The following SNX29 variants were observed in gnomAD, a reference collection of about 807,000 sequenced individuals.
SNX29 encodes sorting nexin 29, also known as sorting nexin-29.
SNX29 carries 78 observed loss-of-function variants against 102.1 expected under a neutral mutation model. The ratio of observed to expected loss-of-function variants is 0.76; its 90% CI spans 0.64 to 0.92. The LOEUF (loss-of-function observed/expected upper bound fraction) is 0.92, where lower values mean the gene tolerates loss of function less well. Ranked by LOEUF, SNX29 falls within the 40% of genes least tolerant of loss-of-function variation. SNX29 has a pLI of 0.00. For missense variants in SNX29, 1,280 were observed against 1,061.7 expected (o/e 1.21, Z -2.86); for synonymous variants, 580 against 414.5 (o/e 1.40, Z -4.85).
chr16:12,000,151 G>A (rs565773506), intron 2 of SNX29, among the ~76,000 whole-genome samples: 5 of 152,266 alleles, frequency 3.3e-5, no homozygotes, highest in South Asian at 2.1e-4. Context: ...GCTTGACTCC[G>A]GCTGGGCTTG....
At chr16:12,468,065 C>T (rs951314449) in intron 18 of SNX29, among the ~76,000 whole-genome samples, 1 of 151,980 alleles carries the variant, frequency 6.6e-6, no homozygotes, top group African/African-American at 2.4e-5. Context: ...CTGCCCCAGC[C>T]TCCTTTCACT....
chr16:12,481,513 GACACACACACACAC>G (rs59650769), intron 19 of SNX29, among the ~76,000 whole-genome samples: 27,432 of 125,518 alleles, frequency 0.22, 2,877 homozygotes, highest in South Asian at 0.39. Context: ...TATACATATA[GACACACACACACAC>G]ACACACACAC....
In SNX29 at chr16:12,052,139, T is replaced by C. The variant is rs147911197; in HGVS notation, c.1041T>C (p.Asp347=). 465 of 1,613,670 alleles carry C rather than the reference T, an allele frequency of 2.9e-4. 1 individual carries two copies. The highest frequency in any genetic ancestry group is 3.6e-4 in the Non-Finnish European group (425 of 1,179,848). Residue 347 remains aspartate, a synonymous_variant, in exon 8 of 21, where the codon GAT becomes GAC. Transcript: ENST00000566228. ...AGCTTGATGTGAAAAGCATCGATGA[T>C]GAAGATGTGGATGAAAACGAAGATG... ...YQKLDVKSID[D]EDVDENEDDV...
intron 14 of SNX29, among the ~76,000 whole-genome samples, chr16:12,241,104 C>G (rs554986232): frequency 6.6e-6 from 1 of 152,222 alleles, no homozygotes; most frequent in South Asian, 2.1e-4. Context: ...TGTGTTTGCT[C>G]ATTTTCTAGA....
In SNX29 at chr16:12,524,830, G is replaced by C. The variant is rs369000584; in HGVS notation, c.2307G>C (p.Met769Ile). 1.1e-5 allele frequency: 17 copies of C among 1,613,410 alleles called. No individual in the cohort carries two copies. The African/African-American group carries it at 2.3e-4, about 22-fold the overall frequency. The change falls in exon 20 of 21, where the codon ATG (methionine) becomes ATC (isoleucine). Residue 769 changes from methionine (M) to isoleucine (I), a missense_variant. By Grantham distance (10) the Met-to-Ile change is conservative (BLOSUM62 1). Transcript: ENST00000566228. Reference sequence around the variant, plus strand: ...AGAAGGAGACCCTCATCCAGCTGATGCCCTTCTTCGTGTAAGTACTGCTCC... The same window carrying C: ...AGAAGGAGACCCTCATCCAGCTGATCCCCTTCTTCGTGTAAGTACTGCTCC... Reference protein sequence around the residue: ...SPKKETLIQLMPFFVDITPPG... With the variant: ...SPKKETLIQLIPFFVDITPPG...
chr16:12,150,006 T>C (rs2055229597), intron 13 of SNX29, among the ~76,000 whole-genome samples: 2 of 151,946 alleles, frequency 1.3e-5, no homozygotes, highest in African/African-American at 4.8e-5. Flanking sequence ...GAGTCCAGAG[T>C]ACGTTTGGGG....
chr16:12,159,210 T>C (rs749512322), intron 13 of SNX29, among the ~76,000 whole-genome samples: 1 of 152,222 alleles, frequency 6.6e-6, no homozygotes, highest in Admixed American at 6.5e-5. Flanking sequence ...CCCAGCCAAG[T>C]TGATCTCTCT....
At chr16:12,143,000 AT>A (rs59548851) in intron 13 of SNX29, among the ~76,000 whole-genome samples, 1,665 of 141,290 alleles carry the variant, frequency 0.012, 22 homozygotes, top group African/African-American at 0.035. Flanking sequence ...AGCAAAGAAA[AT>A]TTTTTTTTTT....
At chr16:12,550,769 A>G (rs941450592) in intron 20 of SNX29, among the ~76,000 whole-genome samples, 1 of 149,242 alleles carries the variant, frequency 6.7e-6, no homozygotes, top group African/African-American at 2.5e-5. Context: ...GAAAAAGTGT[A>G]GAGGCTGAAT....
intron 20 of SNX29, among the ~76,000 whole-genome samples, chr16:12,538,292 TTTG>T (rs1267559702): frequency 6.6e-6 from 1 of 151,860 alleles, no homozygotes; most frequent in Non-Finnish European, 1.5e-5. Flanking sequence ...ATTTTGTATT[TTTG>T]TTTTTTAGTA....
At chr16:12,294,531 T>C (rs2079913448) in intron 15 of SNX29, among the ~76,000 whole-genome samples, 1 of 152,184 alleles carries the variant, frequency 6.6e-6, no homozygotes, top group African/African-American at 2.4e-5. Flanking sequence ...CCCGCCTCCC[T>C]CTGCTGTCTG....
Position 12,383,779 on chromosome 16 carries a change from T to TA in SNX29, c.1900-14667_1900-14666insA, listed in dbSNP as rs201457773. Among the ~76,000 whole-genome samples, 136 of 149,740 alleles carry TA rather than the reference T, an allele frequency of 9.1e-4. No homozygotes were observed. The East Asian group carries it at 0.026, about 28-fold the overall frequency. On this transcript the variant is annotated intron_variant, in intron 16 of 20. Coordinates refer to ENST00000566228, the MANE Select transcript of SNX29 (RefSeq NM_032167.5). ...AAAAGATACGTCAACTTTCTTTTTT[T>TA]TTTTTTTTTTTTGCTATCAAATACC...
chr16:12,055,306 T>A (rs998051389), intron 8 of SNX29, among the ~76,000 whole-genome samples: 1 of 151,110 alleles, frequency 6.6e-6, no homozygotes, highest in Non-Finnish European at 1.5e-5. Context: ...CGATCTCAGC[T>A]CACTGCAACC....
chr16:12,221,999 C>T (rs1224867442), intron 14 of SNX29, among the ~76,000 whole-genome samples: 4 of 152,252 alleles, frequency 2.6e-5, no homozygotes, highest in South Asian at 2.1e-4. Context: ...GACCTTTCCA[C>T]GTTAGGTAGA....
intron 17 of SNX29, among the ~76,000 whole-genome samples, chr16:12,399,800 T>C (rs150718828): frequency 1.8e-4 from 28 of 151,656 alleles, no homozygotes; most frequent in Non-Finnish European, 2.9e-5. Context: ...AGGATGAAAA[T>C]CAAAGGTGAA....
chr16:12,186,768 A>G (rs954303627), intron 13 of SNX29, among the ~76,000 whole-genome samples: 3 of 151,824 alleles, frequency 2.0e-5, no homozygotes, highest in African/African-American at 7.3e-5. Context: ...ACATCCCTCA[A>G]TTTGGGTTTG....
intron 16 of SNX29, chr16:12,372,925 T>C (rs1209259446): frequency 2.6e-5 from 4 of 152,182 alleles, no homozygotes; most frequent in African/African-American, 7.2e-5. Flanking sequence ...CTGGCACTTA[T>C]TACATACCAA....
Position 12,358,630 on chromosome 16 carries a change from A to G in SNX29, c.1899+2351A>G, listed in dbSNP as rs143625758. Among the ~76,000 whole-genome samples the G allele has an allele frequency of 8.7e-3, 1,320 of 152,286 alleles. 16 individuals carry two copies. Among genetic ancestry groups the G allele is most frequent in the Middle Eastern group, 0.027 (8 of 294 alleles). ...TCTGATTGTAGGTCACAAGACCCCCATTTCAGAAGGGGTCCAGCCCCGCAC... is the reference window on the plus strand; with the variant it reads ...TCTGATTGTAGGTCACAAGACCCCCGTTTCAGAAGGGGTCCAGCCCCGCAC... On this transcript the variant is annotated intron_variant, in intron 16 of 20. Transcript: ENST00000566228.
At chr16:12,414,031 C>G (rs552901796) in intron 18 of SNX29, among the ~76,000 whole-genome samples, 1 of 152,202 alleles carries the variant, frequency 6.6e-6, no homozygotes, top group Non-Finnish European at 1.5e-5. Context: ...AGATTACTTA[C>G]AATACCTAGT....
Sources: allele counts gnomAD v4.1 joint callset (sites outside exome capture counted in the v4.1 genomes callset), GRCh38; gene constraint gnomAD v4.1.1; transcripts MANE v1.5; gene names NCBI Gene and HGNC (gene_info 2026-07-23, HGNC 2026-07-21).